DSCAM: variants seen among roughly 807,000 people sequenced by gnomAD.
DSCAM encodes the protein cell adhesion molecule DSCAM.
Under a neutral mutation model 217.7 loss-of-function variants are expected in DSCAM, and 47 were observed. The ratio of observed to expected loss-of-function variants is 0.22; its 90% CI spans 0.17 to 0.28. The LOEUF is 0.28. DSCAM is among the 10% of genes least tolerant of loss of function. DSCAM has a pLI of 1.00. For synonymous variants in DSCAM, 1,056 were observed against 1,015.3 expected (o/e 1.04, Z -0.76); for missense variants, 2,080 against 2,618.3 (o/e 0.79, Z 4.49).
chr21:40,800,695 TCTTTCTTCTTTCTTA>T (rs1000377350), intron 1 of DSCAM, among the ~76,000 whole-genome samples: 14 of 150,820 alleles, frequency 9.3e-5, no homozygotes, highest in African/African-American at 2.4e-5. Flanking sequence ...AGGCATTTCT[TCTTTCTTCTTTCTTA>T]CTTTCTTTTT....
At chr21:40,257,762 GCACTTACCCTT>G (rs1569027351) in intron 11 of DSCAM, among the ~76,000 whole-genome samples, 7 of 152,132 alleles carry the variant, frequency 4.6e-5, no homozygotes, top group African/African-American at 1.7e-4. Context: ...TAATGCTCAT[GCACTTACCCTT>G]GTTTTTTTCT....
rs1236620213 is a variant in DSCAM at position 40,276,277 on chromosome 21, C to T, written c.2183-7G>A. On this transcript the variant is annotated splice_polypyrimidine_tract_variant and splice_region_variant and intron_variant, in intron 10 of 32. Transcript: ENST00000400454. ...AACTGGGGAACCCCAGCACCTGAGA[C>T]AGAAAAAGAAAGACGAGCAATGATG... 3 of 1,580,054 alleles carry T rather than the reference C, an allele frequency of 1.9e-6. No individual in the cohort carries two copies. Among genetic ancestry groups the T allele is most frequent in the South Asian group, 1.2e-5 (1 of 85,750 alleles).
intron 3 of DSCAM, among the ~76,000 whole-genome samples, chr21:40,386,701 T>A (rs969226075): frequency 2.6e-5 from 4 of 152,260 alleles, no homozygotes; most frequent in African/African-American, 9.6e-5. Context: ...CTTCTTGGGT[T>A]TTGATAGAAA....
chr21:40,571,398 A>G (rs1005485272), intron 3 of DSCAM, among the ~76,000 whole-genome samples: 2 of 152,174 alleles, frequency 1.3e-5, no homozygotes, highest in African/African-American at 4.8e-5. Flanking sequence ...GAATGCTTCA[A>G]AAAATCACAT....
intron 3 of DSCAM, among the ~76,000 whole-genome samples, chr21:40,692,192 A>G (rs1397951651): frequency 6.6e-6 from 1 of 152,268 alleles, no homozygotes; most frequent in African/African-American, 2.4e-5. Context: ...CTTTCCAGGT[A>G]AATAGCACAG....
intron 11 of DSCAM, among the ~76,000 whole-genome samples, chr21:40,206,429 G>A (rs1271390845): frequency 6.6e-6 from 1 of 151,994 alleles, no homozygotes; most frequent in African/African-American, 2.4e-5. Context: ...AGTGGGTCTA[G>A]GGGGGACTCC....
chr21:40,020,441 A>G (rs2088243035), intron 32 of DSCAM, among the ~76,000 whole-genome samples: 1 of 152,166 alleles, frequency 6.6e-6, no homozygotes, highest in South Asian at 2.1e-4. Flanking sequence ...TAAAAACATG[A>G]AGCAGGGGAG....
At chr21:40,057,583 A>G (rs2089045800) in intron 28 of DSCAM, among the ~76,000 whole-genome samples, 1 of 152,210 alleles carries the variant, frequency 6.6e-6, no homozygotes, top group Non-Finnish European at 1.5e-5. Flanking sequence ...ATGAACACCA[A>G]GTGCAGGCTA....
intron 3 of DSCAM, among the ~76,000 whole-genome samples, chr21:40,609,838 C>G (rs1040569391): frequency 5.3e-5 from 8 of 152,236 alleles, no homozygotes; most frequent in African/African-American, 1.9e-4. Flanking sequence ...CTGGGAAAGT[C>G]TAGCTCCAGG....
intron 1 of DSCAM, among the ~76,000 whole-genome samples, 169 bp downstream of exon 1, chr21:40,846,450 A>C (rs949511494): frequency 1.4e-4 from 21 of 152,146 alleles, no homozygotes; most frequent in Admixed American, 5.9e-4. Context: ...CTTCTCCCCC[A>C]AAAAATAAAT....
At chr21:40,224,816 G>A (rs749478682) in intron 11 of DSCAM, among the ~76,000 whole-genome samples, 4 of 152,018 alleles carry the variant, frequency 2.6e-5, no homozygotes, top group East Asian at 1.9e-4. Flanking sequence ...TACATCTTAC[G>A]TTTCATATTT....
At chr21:40,283,675 C>T (rs1173649235) in intron 10 of DSCAM, among the ~76,000 whole-genome samples, 1 of 152,222 alleles carries the variant, frequency 6.6e-6, no homozygotes, top group Non-Finnish European at 1.5e-5. Context: ...TGAAACTACC[C>T]ATGCCTTACA....
chr21:40,557,849 T>C (rs576150014), intron 3 of DSCAM, among the ~76,000 whole-genome samples: 1 of 152,272 alleles, frequency 6.6e-6, no homozygotes, highest in Admixed American at 6.5e-5. Flanking sequence ...AATGCACTGA[T>C]ACATATATAC....
intron 1 of DSCAM, among the ~76,000 whole-genome samples, chr21:40,781,564 A>G (rs1366869119): frequency 6.6e-6 from 1 of 152,122 alleles, no homozygotes; most frequent in Non-Finnish European, 1.5e-5. Flanking sequence ...CTTTTTTTAT[A>G]TGCAGGTTAT....
intron 3 of DSCAM, among the ~76,000 whole-genome samples, chr21:40,377,788 T>C (rs2074978216): frequency 6.6e-6 from 1 of 152,072 alleles, no homozygotes; most frequent in African/African-American, 2.4e-5. Context: ...CAAGCCAGTG[T>C]GGCGCTAAGA....
chr21:40,139,714 T>G (rs546860751), intron 18 of DSCAM, among the ~76,000 whole-genome samples: 68 of 151,636 alleles, frequency 4.5e-4, no homozygotes, highest in African/African-American at 1.5e-3. Context: ...TGGTGGGTGA[T>G]GTACATGCAG....
intron 11 of DSCAM, among the ~76,000 whole-genome samples, chr21:40,196,580 C>CT (rs2091012025): frequency 1.3e-5 from 2 of 151,698 alleles, no homozygotes; most frequent in South Asian, 2.1e-4. Flanking sequence ...CCTCCTTCTC[C>CT]TTTTTTCTTT....
intron 3 of DSCAM, among the ~76,000 whole-genome samples, chr21:40,525,946 G>A (rs1334657918): frequency 1.3e-5 from 2 of 152,060 alleles, no homozygotes; most frequent in East Asian, 3.9e-4. Flanking sequence ...CATTTGAAGT[G>A]TACTGTACCA....
chr21:40,352,960 C>A (rs2074649054), intron 5 of DSCAM, among the ~76,000 whole-genome samples: 1 of 152,136 alleles, frequency 6.6e-6, no homozygotes, highest in South Asian at 2.1e-4. Context: ...ATACTAGGCA[C>A]AAGTCTAATA....
Sources: allele counts gnomAD v4.1 joint callset (sites outside exome capture counted in the v4.1 genomes callset), GRCh38; gene constraint gnomAD v4.1.1; transcripts MANE v1.5; gene names NCBI Gene and HGNC (gene_info 2026-07-23, HGNC 2026-07-21).